Variants in LRIF1 observed in about 807,000 individuals in gnomAD.
LRIF1 encodes the protein ligand dependent nuclear receptor interacting factor 1.
Under a neutral mutation model 52.7 loss-of-function variants are expected in LRIF1, and 32 were observed. The ratio of observed to expected loss-of-function variants is 0.61; its 90% confidence interval spans 0.46 to 0.82. The LOEUF is 0.82. Ranked by LOEUF, LRIF1 falls within the 40% of genes least tolerant of loss-of-function variation. LRIF1 has a pLI of 0.00. For synonymous variants in LRIF1, 323 were observed against 317.4 expected (o/e 1.02, Z -0.19); for missense variants, 887 against 892.0 (o/e 0.99, Z 0.07).
the LRIF1 span, among the ~76,000 whole-genome samples, chr1:110,934,174 G>C: frequency 6.6e-6 from 1 of 152,188 alleles, no homozygotes; most frequent in African/African-American, 2.4e-5. Flanking sequence ...CTTCAGTCCT[G>C]AATTACTAGC....
the LRIF1 span, among the ~76,000 whole-genome samples, chr1:110,884,851 AT>A: frequency 0.96 from 146,422 of 151,806 alleles, 70,854 homozygotes; most frequent in East Asian, 1. Flanking sequence ...TTTTAAATGC[AT>A]TTTTTTGTAA....
At chr1:110,936,694 G>C in the LRIF1 span, 1 of 151,586 alleles carries the variant, frequency 6.6e-6, no homozygotes, top group Non-Finnish European at 1.5e-5. Context: ...AGGAGGAGAA[G>C]ACCAGAAAAC....
downstream of LRIF1, among the ~76,000 whole-genome samples, chr1:110,946,021 T>C (rs1658196487): frequency 6.6e-6 from 1 of 152,166 alleles, no homozygotes. Context: ...ACTGAAAATA[T>C]ATACCCATTA....
At chr1:110,917,478 A>G in the LRIF1 span, among the ~76,000 whole-genome samples, 1 of 152,208 alleles carries the variant, frequency 6.6e-6, no homozygotes, top group Non-Finnish European at 1.5e-5. Flanking sequence ...ACTGACCACA[A>G]TTAGGGGCAT....
chr1:110,904,372 T>A, the LRIF1 span, among the ~76,000 whole-genome samples: 1 of 152,128 alleles, frequency 6.6e-6, no homozygotes, highest in Non-Finnish European at 1.5e-5. Context: ...GTCATAGTGG[T>A]GGTCATAGAG....
chr1:110,921,984 C>G, the LRIF1 span, among the ~76,000 whole-genome samples: 1 of 152,168 alleles, frequency 6.6e-6, no homozygotes, highest in East Asian at 1.9e-4. Context: ...CACCCTACAA[C>G]CTTATGTAGA....
chr1:110,912,622 C>T, the LRIF1 span, among the ~76,000 whole-genome samples: 94 of 152,214 alleles, frequency 6.2e-4, 1 homozygote, highest in East Asian at 0.012. Flanking sequence ...CAGCTAACCA[C>T]GGAGGTGAAA....
the LRIF1 span, among the ~76,000 whole-genome samples, chr1:110,903,599 T>C: frequency 2.5e-3 from 386 of 152,242 alleles, 1 homozygote; most frequent in African/African-American, 9.0e-3. Context: ...GAAAAGCCCC[T>C]AGGCTCTGAA....
the LRIF1 span, among the ~76,000 whole-genome samples, chr1:110,927,137 G>A: frequency 1.3e-5 from 2 of 152,142 alleles, no homozygotes; most frequent in East Asian, 3.8e-4. Flanking sequence ...TTGTTTGAAA[G>A]GCGAAATTCT....
chr1:110,899,322 G>A, the LRIF1 span: 1 of 647,894 alleles, frequency 1.5e-6, no homozygotes, highest in Admixed American at 2.7e-5. Context: ...TTAGGTCCCT[G>A]TCTTATACAA....
At chr1:110,892,243 C>T in the LRIF1 span, 1 of 866,386 alleles carries the variant, frequency 1.2e-6, no homozygotes, top group African/African-American at 1.7e-5. Context: ...TTGATTGAGC[C>T]AGTTAAAAAT....
the LRIF1 span, chr1:110,892,609 A>G: frequency 1.7e-6 from 2 of 1,207,780 alleles, no homozygotes; most frequent in Admixed American, 1.9e-5. Context: ...GTTTCTTGGT[A>G]GATCACTTAT....
At chr1:110,894,787 C>CTCAT in the LRIF1 span, among the ~76,000 whole-genome samples, 44 of 152,310 alleles carry the variant, frequency 2.9e-4, no homozygotes, top group African/African-American at 9.1e-4. Flanking sequence ...TCAATGCCAC[C>CTCAT]TCATGCTCAG....
In LRIF1 at chr1:110,951,653, CCT is replaced by C; in HGVS notation, c.1229_1230del (p.Glu410GlyfsTer8). On this transcript the variant is annotated frameshift_variant, in exon 2 of 4. Coordinates refer to ENST00000369763, the MANE Select transcript of LRIF1 (RefSeq NM_018372.4). LOFTEE classifies it high-confidence loss of function. ...CTTTTAGCCAAAACAATATTTACAA[CCT>C]CTCTGGATATTTCTGTGACTGGACT... ...SSSPVTEISR[E>X]VVNIVLAKSK... is the part of the protein sequence containing the mutation. 1 of 1,614,054 alleles carries C rather than the reference CCT, an allele frequency of 6.2e-7. No individual in the cohort carries two copies.
chr1:110,943,490 T>C (rs1016039946), downstream of LRIF1: 2 of 152,192 alleles, frequency 1.3e-5, no homozygotes, highest in South Asian at 4.1e-4. Flanking sequence ...ATATATTTAT[T>C]AGGATTTATT....
rs200809829 is a variant in LRIF1, at chr1:110,952,191, A to C, written c.693T>G (p.Tyr231Ter). 6.2e-7 allele frequency: 1 copy of C among 1,614,242 alleles called. No individual in the cohort carries two copies. The highest frequency in any genetic ancestry group is 8.5e-7 in the Non-Finnish European group (1 of 1,180,032). The change falls in exon 2 of 4, where the codon TAT becomes TAG. Residue 231 changes from tyrosine to a stop codon, truncating the protein, a stop_gained. Transcript: ENST00000369763. LOFTEE classifies it high-confidence loss of function. Reference protein sequence around the residue: ...VEASQMPTVIYVSPVNTVKNV... With the variant: ...VEASQMPTVI Reference sequence around the variant, plus strand: ...TTTTCACTGTATTTACAGGAGATACATAAATAACGGTTGGCATTTGGGAGG... The same window carrying C: ...TTTTCACTGTATTTACAGGAGATACCTAAATAACGGTTGGCATTTGGGAGG...
intron 1 of LRIF1, among the ~76,000 whole-genome samples, chr1:110,961,973 G>A (rs1358921733): frequency 6.6e-6 from 1 of 150,992 alleles, no homozygotes; most frequent in Non-Finnish European, 1.5e-5. Flanking sequence ...ATGAGTTAAT[G>A]AACTCAAAAT....
chr1:110,948,178 G>C lies in LRIF1; in HGVS notation c.2091C>G (p.Tyr697Ter). The C allele has an allele frequency of 1.2e-6, 2 of 1,614,028 alleles. No homozygotes were observed. The highest frequency in any genetic ancestry group is 1.7e-6 in the Non-Finnish European group (2 of 1,179,968). Residue 697 changes from tyrosine (Y) to a stop codon, truncating the protein, a stop_gained, in exon 4 of 4, where the codon TAC becomes TAG. Coordinates refer to ENST00000369763, the MANE Select transcript of LRIF1 (RefSeq NM_018372.4). LOFTEE classifies it high-confidence loss of function. ...CTTTCTCTTGCTTCTCATGGGTATA[G>C]TATTCCATCTCAGTTCTCTTTTCTT... ...TRQEKRTEMEYYTHEKQEKGT... is the reference protein window; with the variant it reads ...TRQEKRTEME
chr1:110,896,444 G>A, the LRIF1 span, among the ~76,000 whole-genome samples: 1 of 152,192 alleles, frequency 6.6e-6, no homozygotes, highest in Non-Finnish European at 1.5e-5. Context: ...ATTAAGCACA[G>A]GGGTCTCTAC....
Sources: gnomAD v4.1 joint callset for allele counts (sites outside exome capture counted in the v4.1 genomes callset) on GRCh38, gnomAD v4.1.1 for gene constraint, MANE v1.5 for transcripts, NCBI Gene and HGNC (gene_info 2026-07-23, HGNC 2026-07-21) for gene names.